Variants in PPHLN1 observed in about 807,000 individuals in gnomAD.
PPHLN1 encodes periphilin-1.
In PPHLN1, 29 loss-of-function variants were observed where a neutral mutation model predicts 51.3. That is an observed-to-expected ratio of 0.57 (90% CI 0.42 to 0.77). The LOEUF is 0.77. Among genes scored for constraint, PPHLN1 ranks in the 30% least tolerant of loss-of-function variants. The pLI, the probability that PPHLN1 is intolerant of heterozygous loss-of-function variation, is 0.00. For synonymous variants in PPHLN1, 147 were observed against 147.8 expected (o/e 0.99, Z 0.04); for missense variants, 436 against 438.4 (o/e 0.99, Z 0.05).
rs138878011 is a variant in PPHLN1 at position 42,355,208 on chromosome 12, G to T, written c.285G>T (p.Arg95Ser). ...RWTRDDHSAS[R>S]QPEYRDMRDG... is the part of the protein sequence containing the mutation. ...CAAGAGACGATCATTCTGCAAGCAGGCAACCTGAATACAGGTAAAAGGATA... is the reference window on the plus strand; with the variant it reads ...CAAGAGACGATCATTCTGCAAGCAGTCAACCTGAATACAGGTAAAAGGATA... Residue 95 changes from arginine to serine, a missense_variant, in exon 4 of 10, where the codon AGG becomes AGT. Physicochemically the swap from Arg to Ser is moderately radical, Grantham distance 110. Coordinates refer to ENST00000358314, the MANE Select transcript of PPHLN1 (RefSeq NM_201439.2). The T allele has an allele frequency of 4.3e-6, 7 of 1,613,278 alleles. No homozygotes were observed. The African/African-American group carries it at 9.3e-5, about 22-fold the overall frequency.
At chr12:42,391,212 G>A (rs982156718) in intron 7 of PPHLN1, among the ~76,000 whole-genome samples, 10 of 152,116 alleles carry the variant, frequency 6.6e-5, no homozygotes, top group African/African-American at 2.2e-4. Context: ...CAGAGAGAAT[G>A]ACAATAAGTT....
intron 9 of PPHLN1, among the ~76,000 whole-genome samples, chr12:42,430,237 C>T (rs567016474): frequency 1.3e-5 from 2 of 152,062 alleles, no homozygotes; most frequent in African/African-American, 4.8e-5. Context: ...TTTAGCTGCT[C>T]TTCTCTCTCT....
chr12:42,432,122 C>T, intron 9 of PPHLN1: 1 of 1,344,024 alleles, frequency 7.4e-7, no homozygotes, highest in Non-Finnish European at 1.1e-6. Flanking sequence ...CTGGGCATCT[C>T]CTGCTGTCAC....
At chr12:42,390,569 T>C (rs948029693) in intron 7 of PPHLN1, among the ~76,000 whole-genome samples, 2 of 152,214 alleles carry the variant, frequency 1.3e-5, no homozygotes, top group Non-Finnish European at 2.9e-5. Context: ...GATAGTTTCA[T>C]GTAGATCAAG....
intron 8 of PPHLN1, among the ~76,000 whole-genome samples, chr12:42,397,422 A>C (rs138604490): frequency 6.6e-6 from 1 of 152,280 alleles, no homozygotes; most frequent in East Asian, 1.9e-4. Context: ...AAATACATTT[A>C]ATTACTAATG....
At chr12:42,340,411 A>T (rs967610359) in intron 2 of PPHLN1, among the ~76,000 whole-genome samples, 1 of 152,230 alleles carries the variant, frequency 6.6e-6, no homozygotes, top group African/African-American at 2.4e-5. Context: ...GAGAAAGTTC[A>T]TAAGAAGCAT....
chr12:42,398,176 T>C (rs910019460), intron 8 of PPHLN1, among the ~76,000 whole-genome samples: 10 of 152,170 alleles, frequency 6.6e-5, no homozygotes, highest in Non-Finnish European at 1.3e-4. Context: ...CACCTGACCG[T>C]TTTAGACATA....
At chr12:42,387,327 G>A (rs1215858943) in intron 6 of PPHLN1, 129 bp from the exon 7 acceptor site, 2 of 942,238 alleles carry the variant, frequency 2.1e-6, no homozygotes, top group Non-Finnish European at 3.1e-6. Context: ...CCTATTTAAT[G>A]TAATAATGTA....
chr12:42,447,532 T>G (rs2083368713), downstream of PPHLN1: 1 of 152,248 alleles, frequency 6.6e-6, no homozygotes, highest in South Asian at 2.1e-4. Flanking sequence ...TGAATTCCAC[T>G]CACTTCCTGG....
At chr12:42,392,357 T>G (rs980719651) in intron 7 of PPHLN1, among the ~76,000 whole-genome samples, 1 of 152,224 alleles carries the variant, frequency 6.6e-6, no homozygotes, top group African/African-American at 2.4e-5. Context: ...GGAATTCTAT[T>G]TAATTAAAGT....
At chr12:42,440,920 AT>A (rs2082890219) in intron 9 of PPHLN1, among the ~76,000 whole-genome samples, 1 of 152,258 alleles carries the variant, frequency 6.6e-6, no homozygotes, top group Admixed American at 6.5e-5. Flanking sequence ...CAAACAAAGA[AT>A]CTAAAGTTAG....
chr12:42,391,043 G>T (rs573010184), intron 7 of PPHLN1, among the ~76,000 whole-genome samples: 1 of 151,976 alleles, frequency 6.6e-6, no homozygotes, highest in African/African-American at 2.4e-5. Context: ...AGAAGGTAGC[G>T]CCCTCTTTGA....
intron 7 of PPHLN1, 150 bp from the exon 8 acceptor site, chr12:42,393,420 A>T: frequency 1.4e-6 from 1 of 698,312 alleles, no homozygotes; most frequent in South Asian, 3.1e-5. Flanking sequence ...CATGTTGAAT[A>T]TTTTTGAAGG....
At chr12:42,437,759 A>T in intron 9 of PPHLN1, among the ~76,000 whole-genome samples, 1 of 152,202 alleles carries the variant, frequency 6.6e-6, no homozygotes, top group East Asian at 1.9e-4. Flanking sequence ...CAAATGTATA[A>T]TATATCATTC....
At chr12:42,358,037 G>C (rs1008227119) in intron 4 of PPHLN1, among the ~76,000 whole-genome samples, 3 of 152,176 alleles carry the variant, frequency 2.0e-5, no homozygotes, top group African/African-American at 7.2e-5. Context: ...TTCCATGCAT[G>C]TTGCTGCAGA....
chr12:42,407,667 T>A (rs561227778), intron 9 of PPHLN1, among the ~76,000 whole-genome samples: 3 of 152,214 alleles, frequency 2.0e-5, no homozygotes, highest in Non-Finnish European at 4.4e-5. Context: ...CTCAAATCCC[T>A]TATGTAAAAT....
At chr12:42,383,804 C>T (rs1042253675) in intron 5 of PPHLN1, among the ~76,000 whole-genome samples, 2 of 151,468 alleles carry the variant, frequency 1.3e-5, no homozygotes, top group Non-Finnish European at 2.9e-5. Context: ...GATGGTGAAA[C>T]CTCGTCTCTA....
At chr12:42,375,285 C>A in intron 5 of PPHLN1, 3 of 289,150 alleles carry the variant, frequency 1.0e-5, no homozygotes, top group Admixed American at 4.9e-5. Flanking sequence ...CTGCATGACA[C>A]TTACCTTTAA....
chr12:42,414,799 C>T (rs989251416), intron 9 of PPHLN1, among the ~76,000 whole-genome samples: 14 of 152,186 alleles, frequency 9.2e-5, no homozygotes, highest in African/African-American at 3.4e-4. Context: ...TCTGGCTAGG[C>T]CTACTCCATT....
Sources: allele counts gnomAD v4.1 joint callset (sites outside exome capture counted in the v4.1 genomes callset), GRCh38; gene constraint gnomAD v4.1.1; transcripts MANE v1.5; gene names NCBI Gene and HGNC (gene_info 2026-07-23, HGNC 2026-07-21).